The following TSPAN9 variants were observed in gnomAD, a reference collection of about 807,000 sequenced individuals.
The protein encoded by TSPAN9 is tetraspanin-9.
A neutral mutation model predicts 31.0 loss-of-function variants in TSPAN9; 16 were observed. That is an observed-to-expected ratio of 0.52 (90% CI 0.35 to 0.78). The LOEUF (loss-of-function observed/expected upper bound fraction) is 0.78, where lower values mean the gene tolerates loss of function less well. Among genes scored for constraint, TSPAN9 ranks in the 30% least tolerant of loss-of-function variants. TSPAN9 has a pLI of 0.01. For missense variants in TSPAN9, 272 were observed against 312.5 expected, an observed-to-expected ratio of 0.87 and a Z score of 0.98; for synonymous variants, 145 against 121.6, an observed-to-expected ratio of 1.19 and a Z score of -1.27.
intron 3 of TSPAN9, among the ~76,000 whole-genome samples, chr12:3,232,531 C>T (rs1304540808): frequency 6.6e-6 from 1 of 152,196 alleles, no homozygotes; most frequent in Non-Finnish European, 1.5e-5. Context: ...TAAAAGAAAA[C>T]TTAGAGGACA....
rs7485494 is a variant in TSPAN9 at position 3,109,158 on chromosome 12, G to A, written c.-18+25439G>A. Among the ~76,000 whole-genome samples, 994 of 151,566 alleles carry A rather than the reference G, an allele frequency of 6.6e-3. 8 individuals are homozygous for A. The highest frequency in any genetic ancestry group is 0.011 in the Non-Finnish European group (738 of 67,884). On this transcript the variant is annotated intron_variant, in intron 2 of 8. Coordinates refer to ENST00000011898, the MANE Select transcript of TSPAN9 (RefSeq NM_006675.5). ...TCACCGTGTTAGCCAGGATGGTCTC[G>A]ATCTCCTGACCTCGTGATCCGCCCG...
At chr12:3,226,494 T>C (rs2098387179) in intron 3 of TSPAN9, among the ~76,000 whole-genome samples, 1 of 151,358 alleles carries the variant, frequency 6.6e-6, no homozygotes, top group East Asian at 2.0e-4. Flanking sequence ...TGCTGACTGC[T>C]GATTTCTTAG....
intron 8 of TSPAN9, 66 bp downstream of exon 8, chr12:3,281,883 C>A: frequency 1.3e-6 from 2 of 1,552,982 alleles, no homozygotes; most frequent in Non-Finnish European, 1.8e-6. Context: ...GAAGGAAGCA[C>A]AGAGAAGTGA....
intron 3 of TSPAN9, among the ~76,000 whole-genome samples, chr12:3,222,186 C>T (rs191401408): frequency 1.3e-5 from 2 of 152,254 alleles, no homozygotes; most frequent in East Asian, 3.9e-4. Flanking sequence ...GGGCTTGGTC[C>T]TGCTGGCATG....
chr12:3,201,293 C>T (rs370375736), intron 3 of TSPAN9, 37 bp downstream of exon 3: 6 of 1,593,880 alleles, frequency 3.8e-6, no homozygotes, highest in African/African-American at 2.7e-5. Flanking sequence ...TCGCCCTCTT[C>T]TCCTCCTCTT....
In TSPAN9 at chr12:3,092,553, A is replaced by AG. The variant is rs1444460163; in HGVS notation, c.-18+8837dup. Among the ~76,000 whole-genome samples, 8 of 152,194 alleles carry AG rather than the reference A, an allele frequency of 5.3e-5. 1 individual carries two copies. The highest frequency in any genetic ancestry group is 1.9e-4 in the African/African-American group (8 of 41,452). On this transcript the variant is annotated intron_variant, in intron 2 of 8. Coordinates refer to ENST00000011898, the MANE Select transcript of TSPAN9 (RefSeq NM_006675.5). ...TCTGAAGGCAGCAAGACAAGTAGGA[A>AG]GGGATAAGATTGCTACAGATACAGC...
At chr12:3,245,816 T>C (rs1299927681) in intron 3 of TSPAN9, among the ~76,000 whole-genome samples, 2 of 151,890 alleles carry the variant, frequency 1.3e-5, no homozygotes, top group Non-Finnish European at 2.9e-5. Flanking sequence ...AGGTCTCCAA[T>C]TCCTTGTACT....
At chr12:3,082,813 G>A (rs1239098661) in intron 1 of TSPAN9, among the ~76,000 whole-genome samples, 1 of 152,178 alleles carries the variant, frequency 6.6e-6, no homozygotes, top group Non-Finnish European at 1.5e-5. Context: ...GGTAGGCATT[G>A]TTTCGTCAAC....
intron 3 of TSPAN9, among the ~76,000 whole-genome samples, chr12:3,226,767 TA>T (rs57080815): frequency 1.8e-3 from 6 of 3,284 alleles, no homozygotes; most frequent in Admixed American, 4.2e-3. Context: ...TATATATATA[TA>T]TATATATATA....
In TSPAN9 at chr12:3,113,122, C is replaced by T. The variant is rs906332661; in HGVS notation, c.-18+29403C>T. Among the ~76,000 whole-genome samples, 39 of 152,272 alleles carry T rather than the reference C, an allele frequency of 2.6e-4. 1 individual carries two copies. The highest frequency in any genetic ancestry group is 8.4e-4 in the African/African-American group (35 of 41,550). On this transcript the variant is annotated intron_variant, in intron 2 of 8. Transcript: ENST00000011898. ...GCTGGGAATACAGCAGTGAGAAAAACGAAGTTACCGCCCTCATAAGCTTAC... is the reference window on the plus strand; with the variant it reads ...GCTGGGAATACAGCAGTGAGAAAAATGAAGTTACCGCCCTCATAAGCTTAC...
At chr12:3,175,984 T>A (rs7957512) in intron 2 of TSPAN9, among the ~76,000 whole-genome samples, 136,557 of 152,134 alleles carry the variant, frequency 0.9, 61,892 homozygotes, top group South Asian at 0.98. Flanking sequence ...TCCTTCCCAG[T>A]ACAAGCCCTG....
chr12:3,127,362 T>A (rs1399607322), intron 2 of TSPAN9, among the ~76,000 whole-genome samples: 1 of 151,308 alleles, frequency 6.6e-6, no homozygotes, highest in Non-Finnish European at 1.5e-5. Context: ...AAAGAAAAAT[T>A]TTTTTTTTTT....
At chr12:3,146,434 C>T (rs2098337307) in intron 2 of TSPAN9, among the ~76,000 whole-genome samples, 1 of 152,156 alleles carries the variant, frequency 6.6e-6, no homozygotes, top group East Asian at 1.9e-4. Context: ...GTCTACCCTC[C>T]GTCTCTCCTA....
At chr12:3,173,411 G>A (rs73051881) in intron 2 of TSPAN9, 4,051 of 152,462 alleles carry the variant, frequency 0.027, 100 homozygotes, top group Non-Finnish European at 0.042. Context: ...CCCGCTGGGC[G>A]TAGCACAGGT....
chr12:3,169,795 GGAA>G (rs977822485), intron 2 of TSPAN9, among the ~76,000 whole-genome samples: 83 of 152,292 alleles, frequency 5.5e-4, no homozygotes, highest in African/African-American at 1.9e-3. Context: ...TTTGAAGGCA[GGAA>G]GAAGATCGTA....
At chr12:3,250,303 G>T (rs1862223806) in intron 3 of TSPAN9, among the ~76,000 whole-genome samples, 1 of 152,208 alleles carries the variant, frequency 6.6e-6, no homozygotes, top group Non-Finnish European at 1.5e-5. Flanking sequence ...AGCTTCAAGG[G>T]TTGCCTGGGG....
At chr12:3,275,733 G>C (rs618964) in intron 3 of TSPAN9, among the ~76,000 whole-genome samples, 59,940 of 152,102 alleles carry the variant, frequency 0.39, 12,076 homozygotes, top group Middle Eastern at 0.5. Context: ...GAGCCCTGAC[G>C]TGGTTCCATG....
At position 3,168,512 on chromosome 12, in the gene TSPAN9, G is replaced by A. The variant is rs1303131135; in HGVS notation, c.-17-32665G>A. ...AGGCTGCAAGGGGTAAGAAGAGAGT[G>A]TCACAAGCTGGGAGGTGCCAGAGCT... On this transcript the variant is annotated intron_variant, in intron 2 of 8. Transcript: ENST00000011898. The surrounding 1 kb of genome is among the most constrained non-coding windows in gnomAD (Gnocchi z 4.0). Among the ~76,000 whole-genome samples, 5 of 152,224 alleles carry A rather than the reference G, an allele frequency of 3.3e-5. No individual in the cohort carries two copies. The highest frequency in any genetic ancestry group is 9.6e-5 in the African/African-American group (4 of 41,452).
At chr12:3,241,335 T>C (rs902965840) in intron 3 of TSPAN9, among the ~76,000 whole-genome samples, 10 of 152,228 alleles carry the variant, frequency 6.6e-5, no homozygotes, top group African/African-American at 2.2e-4. Flanking sequence ...CACTGTGGCG[T>C]GGCATTTATA....
Sources: allele counts gnomAD v4.1 joint callset (sites outside exome capture counted in the v4.1 genomes callset), GRCh38; gene constraint gnomAD v4.1.1; non-coding constraint Gnocchi (gnomAD v3.1); transcripts MANE v1.5; gene names NCBI Gene and HGNC (gene_info 2026-07-23, HGNC 2026-07-21).